Variants in SYTL2 observed in about 807,000 individuals in gnomAD.
SYTL2 encodes the protein synaptotagmin-like protein 2.
In SYTL2, 165 loss-of-function variants were observed where a neutral mutation model predicts 198.7. The ratio of observed to expected loss-of-function variants is 0.83; its 90% CI spans 0.73 to 0.94. SYTL2 has a LOEUF of 0.94. SYTL2 is among the 40% of genes least tolerant of loss of function. SYTL2 has a pLI of 0.00. For synonymous variants in SYTL2, 966 were observed against 917.7 expected (o/e 1.05, Z -0.95); for missense variants, 2,835 against 2,582.8 (o/e 1.10, Z -2.12).
At chr11:85,759,826 G>A (rs1371030266) in intron 1 of SYTL2, among the ~76,000 whole-genome samples, 1 of 152,032 alleles carries the variant, frequency 6.6e-6, no homozygotes, top group Admixed American at 6.6e-5. Flanking sequence ...TGTTCATCTT[G>A]AAAACTACTT....
chr11:85,780,495 A>T (rs1405383396), intron 1 of SYTL2, among the ~76,000 whole-genome samples: 2 of 152,192 alleles, frequency 1.3e-5, no homozygotes, highest in Admixed American at 1.3e-4. Context: ...GCCAGCACAA[A>T]GGTTAAGCTA....
intron 8 of SYTL2, among the ~76,000 whole-genome samples, chr11:85,722,416 T>C (rs1020197382): frequency 1.3e-5 from 2 of 152,042 alleles, no homozygotes; most frequent in African/African-American, 4.8e-5. Context: ...CCTCATGATC[T>C]GCCCGCCTTG....
chr11:85,712,234 G>T (rs1277646027), intron 12 of SYTL2, among the ~76,000 whole-genome samples: 3 of 152,158 alleles, frequency 2.0e-5, no homozygotes, highest in Non-Finnish European at 4.4e-5. Context: ...GCTTTACGTG[G>T]ATAAGAATCC....
intron 1 of SYTL2, among the ~76,000 whole-genome samples, chr11:85,789,529 CT>C (rs1185337913): frequency 6.6e-6 from 1 of 150,672 alleles, no homozygotes; most frequent in Non-Finnish European, 1.5e-5. Context: ...TCCACCGCCC[CT>C]GGCCAAATTA....
the SYTL2 span, among the ~76,000 whole-genome samples, chr11:85,845,780 G>C: frequency 6.6e-6 from 1 of 152,112 alleles, no homozygotes; most frequent in Admixed American, 6.5e-5. Context: ...GCCGGGCATG[G>C]TGGCAGGCAC....
chr11:85,770,916 T>C (rs570119112), intron 1 of SYTL2, among the ~76,000 whole-genome samples: 35 of 152,350 alleles, frequency 2.3e-4, no homozygotes, highest in African/African-American at 8.2e-4. Flanking sequence ...CCGAATATAA[T>C]GTGGCCCTAT....
At chr11:85,722,464 G>A (rs536582910) in intron 8 of SYTL2, among the ~76,000 whole-genome samples, 129 of 151,960 alleles carry the variant, frequency 8.5e-4, no homozygotes, top group Non-Finnish European at 1.4e-3. Context: ...GTGAGCCACC[G>A]TGCCCAGCCT....
intron 4 of SYTL2, among the ~76,000 whole-genome samples, chr11:85,744,000 T>G (rs1177819691): frequency 6.6e-6 from 1 of 152,130 alleles, no homozygotes; most frequent in Non-Finnish European, 1.5e-5. Context: ...CTATGTTCTC[T>G]CTCTTTGTGT....
chr11:85,737,988 C>G (rs1031180402), intron 4 of SYTL2, among the ~76,000 whole-genome samples: 1 of 152,178 alleles, frequency 6.6e-6, no homozygotes, highest in Non-Finnish European at 1.5e-5. Context: ...AGTGGTCTTG[C>G]CTCAGGCACA....
At chr11:85,804,523 G>C (rs147772521) in intron 1 of SYTL2, among the ~76,000 whole-genome samples, 1 of 152,066 alleles carries the variant, frequency 6.6e-6, no homozygotes, top group Non-Finnish European at 1.5e-5. Context: ...TCATAAAATA[G>C]AAACAATCAT....
chr11:85,769,814 T>C (rs1010902940), intron 1 of SYTL2, among the ~76,000 whole-genome samples: 1 of 151,984 alleles, frequency 6.6e-6, no homozygotes, highest in African/African-American at 2.4e-5. Flanking sequence ...GAACCACCAG[T>C]CCAGTGGCAG....
At chr11:85,810,865 G>T (rs2093022733) in intron 1 of SYTL2, 89 bp downstream of exon 1, 1 of 152,328 alleles carries the variant, frequency 6.6e-6, no homozygotes, top group Non-Finnish European at 1.5e-5. Flanking sequence ...ACTTAACAGA[G>T]GAGGAAGCAG....
chr11:85,713,717 GA>G (rs2086700264), intron 12 of SYTL2, among the ~76,000 whole-genome samples: 1 of 152,194 alleles, frequency 6.6e-6, no homozygotes, highest in African/African-American at 2.4e-5. Flanking sequence ...AGAGTGAGAT[GA>G]CAGAATGAGT....
At chr11:85,704,075 G>A (rs1355649314) in intron 16 of SYTL2, among the ~76,000 whole-genome samples, 2 of 152,042 alleles carry the variant, frequency 1.3e-5, no homozygotes, top group South Asian at 2.1e-4. Flanking sequence ...TATATTAAGT[G>A]CAAATGGACT....
chr11:85,702,761 T>G (rs935150577), intron 16 of SYTL2, among the ~76,000 whole-genome samples: 9 of 152,050 alleles, frequency 5.9e-5, no homozygotes, highest in African/African-American at 1.9e-4. Flanking sequence ...ACCCCACATA[T>G]GATCAAAAAA....
rs768381297 is a variant in SYTL2 at position 85,727,838 on chromosome 11, T to A, written c.1520A>T (p.Tyr507Phe). 1.2e-5 allele frequency: 19 copies of A among 1,611,584 alleles called. No individual in the cohort carries two copies. The highest frequency in any genetic ancestry group is 1.6e-5 in the Non-Finnish European group (19 of 1,179,126). The change falls in exon 8 of 20, where the codon TAT becomes TTT. Residue 507 changes from tyrosine to phenylalanine, a missense_variant. By Grantham distance (22) the Tyr-to-Phe change is conservative. This residue lies in a region of SYTL2 where 2,645 missense variants were observed against 2,381.7 expected (regional missense o/e 1.11). Coordinates refer to ENST00000359152, the MANE Select transcript of SYTL2 (RefSeq NM_206927.4). ...KAKTSSRSGP[Y>F]ATEIKKSTDD... ...AGTTGACTTCTTTATCTCAGTGGCATATGGACCAGAACGTGAAGATGTCTT... is the reference window on the plus strand; with the variant it reads ...AGTTGACTTCTTTATCTCAGTGGCAAATGGACCAGAACGTGAAGATGTCTT...
intron 6 of SYTL2, 39 bp downstream of exon 6, chr11:85,736,462 C>CAGGACAA: frequency 9.0e-7 from 1 of 1,113,888 alleles, no homozygotes; most frequent in Non-Finnish European, 1.3e-6. Context: ...CCACAGATAA[C>CAGGACAA]AAAGATAAAA....
chr11:85,771,713 T>G (rs1427390744), intron 1 of SYTL2, among the ~76,000 whole-genome samples: 1 of 152,136 alleles, frequency 6.6e-6, no homozygotes, highest in Non-Finnish European at 1.5e-5. Context: ...AAGATCTGGT[T>G]TGAAATCTGA....
At chr11:85,789,401 AT>A (rs1160829204) in intron 1 of SYTL2, among the ~76,000 whole-genome samples, 59 of 60,474 alleles carry the variant, frequency 9.8e-4, no homozygotes, top group South Asian at 3.2e-3. Flanking sequence ...TATATATATA[AT>A]TTTTTTTTTT....
Sources: allele counts gnomAD v4.1 joint callset (sites outside exome capture counted in the v4.1 genomes callset), GRCh38; gene constraint gnomAD v4.1.1; regional missense constraint gnomAD v4.1.1; transcripts MANE v1.5; gene names NCBI Gene and HGNC (gene_info 2026-07-23, HGNC 2026-07-21).